The following PSTPIP2 variants were observed in gnomAD, a reference collection of about 807,000 sequenced individuals.
The protein encoded by PSTPIP2 is proline-serine-threonine phosphatase-interacting protein 2.
PSTPIP2 carries 33 observed loss-of-function variants against 63.3 expected under a neutral mutation model. That is an observed-to-expected ratio of 0.52 (90% confidence interval 0.40 to 0.70). PSTPIP2 has a LOEUF of 0.70. PSTPIP2 is among the 30% of genes least tolerant of loss of function. The pLI is 0.00. For missense variants in PSTPIP2, 312 were observed against 400.7 expected (o/e 0.78, Z 1.89); for synonymous variants, 125 against 132.7 (o/e 0.94, Z 0.40).
chr18:46,019,289 C>G (rs540601764), intron 3 of PSTPIP2, among the ~76,000 whole-genome samples: 1 of 152,224 alleles, frequency 6.6e-6, no homozygotes, highest in East Asian at 1.9e-4. Flanking sequence ...AAATTAAAGG[C>G]CTTGTGTTTT....
intron 2 of PSTPIP2, among the ~76,000 whole-genome samples, chr18:46,030,543 T>A (rs1907754584): frequency 1.3e-5 from 2 of 152,222 alleles, no homozygotes; most frequent in Admixed American, 1.3e-4. Context: ...TGTTCTCCAA[T>A]CATATTTCCC....
At chr18:46,059,609 A>T (rs887268679) in intron 1 of PSTPIP2, among the ~76,000 whole-genome samples, 7 of 151,876 alleles carry the variant, frequency 4.6e-5, no homozygotes, top group Non-Finnish European at 2.9e-5. Flanking sequence ...AGTATAGATT[A>T]AAAAAAAGAA....
At position 46,009,741 on chromosome 18, in the gene PSTPIP2, C is replaced by T. The variant is rs941471399; in HGVS notation, c.354+1440G>A. The stretch of plus-strand genomic sequence containing the variant: ...TAAAACATGCAAGGAAATGATTCTC[C>T]TCTCCTCTGAGGGGAAGTCATGCGT... On this transcript the variant is annotated intron_variant, in intron 5 of 14. Transcript: ENST00000409746. 1.1e-3 allele frequency among the ~76,000 whole-genome samples: 163 copies of T among 152,320 alleles called. 1 individual carries two copies. Among genetic ancestry groups the T allele is most frequent in the African/African-American group, 3.8e-3 (158 of 41,568 alleles).
At chr18:46,070,093 A>C (rs1909338830) in intron 1 of PSTPIP2, among the ~76,000 whole-genome samples, 1 of 152,134 alleles carries the variant, frequency 6.6e-6, no homozygotes, top group Non-Finnish European at 1.5e-5. Flanking sequence ...TTGGGGGCGG[A>C]AGCAGGCTGC....
chr18:46,039,874 A>T, intron 2 of PSTPIP2, 73 bp downstream of exon 2: 1 of 1,318,444 alleles, frequency 7.6e-7, no homozygotes, highest in Non-Finnish European at 1.1e-6. Flanking sequence ...AAATGAAAAA[A>T]AGGAAATTGT....
At chr18:46,038,239 G>A (rs1357493660) in intron 2 of PSTPIP2, among the ~76,000 whole-genome samples, 1 of 152,176 alleles carries the variant, frequency 6.6e-6, no homozygotes, top group Admixed American at 6.5e-5. Context: ...AAATTAACAG[G>A]GTAGTCCTGT....
At chr18:46,054,793 T>C (rs914832830) in intron 1 of PSTPIP2, among the ~76,000 whole-genome samples, 2 of 151,752 alleles carry the variant, frequency 1.3e-5, no homozygotes, top group Non-Finnish European at 2.9e-5. Flanking sequence ...CCTGAGTATC[T>C]AGGATTACAG....
chr18:46,033,308 T>G (rs1185246594), intron 2 of PSTPIP2, among the ~76,000 whole-genome samples: 1 of 152,218 alleles, frequency 6.6e-6, no homozygotes, highest in Non-Finnish European at 1.5e-5. Flanking sequence ...ACTGTGACCT[T>G]ATTTGGAAAT....
intron 3 of PSTPIP2, among the ~76,000 whole-genome samples, chr18:46,020,665 T>G (rs1293449544): frequency 2.6e-5 from 4 of 151,996 alleles, no homozygotes; most frequent in Non-Finnish European, 5.9e-5. Context: ...AAAAAAATCA[T>G]CCACTGTCTT....
chr18:46,036,019 TAAATTTA>T lies in PSTPIP2; in HGVS notation c.134+3921_134+3927del, dbSNP rs201976402. On this transcript the variant is annotated intron_variant, in intron 2 of 14. Transcript: ENST00000409746. Reference sequence around the variant, plus strand: ...CCAGCTGACAGAAGGGTAAACTAGATAAATTTACAATTTACTGATGGAGTGTTTGTTA... The same window carrying T: ...CCAGCTGACAGAAGGGTAAACTAGATCAATTTACTGATGGAGTGTTTGTTA... Among the ~76,000 whole-genome samples, 711 of 152,144 alleles carry T rather than the reference TAAATTTA, an allele frequency of 4.7e-3. 11 individuals are homozygous for T. The highest frequency in any genetic ancestry group is 0.029 in the Admixed American group (447 of 15,276).
intron 5 of PSTPIP2, among the ~76,000 whole-genome samples, chr18:46,009,601 A>G (rs545912327): frequency 6.6e-6 from 1 of 152,182 alleles, no homozygotes; most frequent in Non-Finnish European, 1.5e-5. Flanking sequence ...AGCAGAGTTC[A>G]GTTCTAGCTT....
At chr18:46,028,169 A>G (rs1317737578) in intron 2 of PSTPIP2, 2 of 332,436 alleles carry the variant, frequency 6.0e-6, no homozygotes, top group Non-Finnish European at 1.2e-5. Flanking sequence ...TCAAAAAGAA[A>G]AGAGGCGCGC....
rs765919346 is a variant in PSTPIP2, at chr18:46,040,039, G to A, written c.42C>T (p.Asp14=). ...TGTCATAGCCGATGGTGCTGAGGAT[G>A]TCTGCACTCTGGGGGAAAGACAACA... ...SLFKGNFWSA[D]ILSTIGYDNI... The change falls in exon 2 of 15, where the codon GAC becomes GAT. Residue 14 remains aspartate, a synonymous_variant. Transcript: ENST00000409746. The A allele has an allele frequency of 6.2e-7, 1 of 1,605,264 alleles. No homozygotes were observed. Among genetic ancestry groups the A allele is most frequent in the South Asian group, 1.1e-5 (1 of 89,938 alleles).
At chr18:46,006,379 TTTTTTTTTC>T (rs2051726354) in intron 5 of PSTPIP2, among the ~76,000 whole-genome samples, 1 of 89,122 alleles carries the variant, frequency 1.1e-5, no homozygotes, top group African/African-American at 3.6e-5. Context: ...TTTTTTTTTT[TTTTTTTTTC>T]TGAGACAGAG....
At chr18:46,057,304 C>T (rs774283670) in intron 1 of PSTPIP2, among the ~76,000 whole-genome samples, 9 of 151,690 alleles carry the variant, frequency 5.9e-5, no homozygotes, top group Non-Finnish European at 1.3e-4. Context: ...TCTTGGGAGA[C>T]ATTTAAAACT....
chr18:45,994,643 T>C (rs777959350), intron 9 of PSTPIP2, among the ~76,000 whole-genome samples: 1 of 152,146 alleles, frequency 6.6e-6, no homozygotes, highest in Non-Finnish European at 1.5e-5. Context: ...TTCCAACATA[T>C]ACAAGTGTAG....
chr18:46,005,732 T>G (rs538631013), intron 5 of PSTPIP2, among the ~76,000 whole-genome samples: 3 of 152,210 alleles, frequency 2.0e-5, no homozygotes, highest in African/African-American at 7.2e-5. Context: ...TTTGAACTTG[T>G]GCAGGCAAAC....
chr18:46,030,511 T>C (rs561820792), intron 2 of PSTPIP2, among the ~76,000 whole-genome samples: 2 of 152,374 alleles, frequency 1.3e-5, no homozygotes, highest in East Asian at 3.8e-4. Flanking sequence ...TACATTTTGT[T>C]TCATTTGTGT....
At chr18:46,010,968 T>G (rs2051788805) in intron 5 of PSTPIP2, 1 of 507,292 alleles carries the variant, frequency 2.0e-6, no homozygotes, top group South Asian at 2.9e-5. Context: ...GACCTCTGAA[T>G]CCTATGTGAA....
Sources: allele counts gnomAD v4.1 joint callset (sites outside exome capture counted in the v4.1 genomes callset), GRCh38; gene constraint gnomAD v4.1.1; transcripts MANE v1.5; gene names NCBI Gene and HGNC (gene_info 2026-07-23, HGNC 2026-07-21).